Variants in AMBRA1 observed in about 807,000 individuals in gnomAD.
The protein encoded by AMBRA1 is autophagy and beclin 1 regulator 1, also known as activating molecule in BECN1-regulated autophagy protein 1.
AMBRA1 carries 47 observed loss-of-function variants against 125.4 expected under a neutral mutation model. That is an observed-to-expected ratio of 0.37 (90% confidence interval 0.30 to 0.48). The LOEUF (loss-of-function observed/expected upper bound fraction) is 0.48. Among genes scored for constraint, AMBRA1 ranks in the 20% least tolerant of loss-of-function variants. AMBRA1 has a pLI of 0.99. For missense variants in AMBRA1, 1,331 were observed against 1,693.4 expected (o/e 0.79, Z 3.76); for synonymous variants, 626 against 655.5 (o/e 0.95, Z 0.69).
chr11:46,473,495 A>G (rs1949687291), intron 11 of AMBRA1, among the ~76,000 whole-genome samples: 2 of 152,250 alleles, frequency 1.3e-5, no homozygotes, highest in Non-Finnish European at 2.9e-5. Flanking sequence ...AACATAAAAC[A>G]AAGTTAATTC....
Position 46,512,764 on chromosome 11 carries a change from C to G in AMBRA1, c.2122G>C (p.Gly708Arg), listed in dbSNP as rs1163653044. The change falls in exon 8 of 18, where the codon GGA (glycine) becomes CGA (arginine). Residue 708 changes from glycine to arginine, a missense_variant. This residue lies in a region of AMBRA1 where 689 missense variants were observed against 776.5 expected (regional missense o/e 0.89). Coordinates refer to ENST00000683756, the MANE Select transcript of AMBRA1 (RefSeq NM_001387011.1). ...LISLSRYDGA[G>R]SREHPIYPDP... ...GGGTAAATTGGGTGCTCTCTGGATC[C>G]TGCTCCATCATAACGGGATAATGAA... 6.2e-7 allele frequency: 1 copy of G among 1,613,722 alleles called. No homozygotes were observed.
intron 15 of AMBRA1, among the ~76,000 whole-genome samples, chr11:46,414,268 C>A (rs1297731612): frequency 2.6e-5 from 4 of 152,216 alleles, no homozygotes; most frequent in Non-Finnish European, 1.5e-5. Flanking sequence ...GGGAAAGAGC[C>A]AGCACCTGGC....
At chr11:46,562,354 T>G (rs904549210) in intron 1 of AMBRA1, among the ~76,000 whole-genome samples, 4 of 152,194 alleles carry the variant, frequency 2.6e-5, no homozygotes, top group African/African-American at 9.7e-5. Context: ...TAAAGACAGG[T>G]TGGTACTAGC....
intron 7 of AMBRA1, among the ~76,000 whole-genome samples, chr11:46,536,967 A>C (rs1952506663): frequency 6.6e-6 from 1 of 152,232 alleles, no homozygotes; most frequent in Non-Finnish European, 1.5e-5. Flanking sequence ...TTAACTACCT[A>C]GAGACAGAAT....
intron 1 of AMBRA1, among the ~76,000 whole-genome samples, chr11:46,561,162 C>T (rs2043324076): frequency 1.3e-5 from 2 of 152,212 alleles, no homozygotes; most frequent in Admixed American, 1.3e-4. Flanking sequence ...AGGTGGATCA[C>T]CTGAGGTCAG....
At chr11:46,409,983 T>A (rs1946208799) in intron 16 of AMBRA1, among the ~76,000 whole-genome samples, 1 of 152,202 alleles carries the variant, frequency 6.6e-6, no homozygotes, top group South Asian at 2.1e-4. Flanking sequence ...GGCGGCATCC[T>A]TCTCCAGGCC....
intron 11 of AMBRA1, among the ~76,000 whole-genome samples, chr11:46,462,811 G>A (rs560046509): frequency 6.6e-6 from 1 of 151,900 alleles, no homozygotes; most frequent in South Asian, 2.1e-4. Context: ...AAGTGCAGTG[G>A]TGCGATCCCA....
chr11:46,549,041 T>C (rs1591092489), intron 1 of AMBRA1: 1 of 152,018 alleles, frequency 6.6e-6, no homozygotes, highest in East Asian at 1.9e-4. Flanking sequence ...ATTTTCTCTT[T>C]CTCTTCTCCA....
chr11:46,569,428 T>TAA (rs60592464), intron 1 of AMBRA1, among the ~76,000 whole-genome samples: 4,477 of 126,770 alleles, frequency 0.035, 126 homozygotes, highest in Admixed American at 0.075. Flanking sequence ...ACTGAGAGAT[T>TAA]AAAAAAAAAA....
chr11:46,403,222 G>A (rs1466144388), intron 17 of AMBRA1, among the ~76,000 whole-genome samples: 1 of 152,222 alleles, frequency 6.6e-6, no homozygotes, highest in Non-Finnish European at 1.5e-5. Flanking sequence ...TTCATTGCCA[G>A]AAGAGCCAAA....
chr11:46,581,451 C>CA (rs2044167185), intron 1 of AMBRA1, among the ~76,000 whole-genome samples: 1 of 151,854 alleles, frequency 6.6e-6, no homozygotes, highest in African/African-American at 2.4e-5. Flanking sequence ...ACTAAAAATA[C>CA]AAAAAATTAG....
intron 7 of AMBRA1, among the ~76,000 whole-genome samples, chr11:46,539,954 C>T (rs556691574): frequency 6.6e-6 from 1 of 152,206 alleles, no homozygotes; most frequent in South Asian, 2.1e-4. Flanking sequence ...GCCTCAGCTT[C>T]CCAAGCAGAT....
At chr11:46,534,734 C>T (rs537000756) in intron 7 of AMBRA1, among the ~76,000 whole-genome samples, 4 of 152,286 alleles carry the variant, frequency 2.6e-5, no homozygotes, top group African/African-American at 7.2e-5. Context: ...AGTGCAGAGG[C>T]GCAATCATGG....
chr11:46,545,176 GGT>G (rs1348631590), intron 5 of AMBRA1, among the ~76,000 whole-genome samples: 34 of 54,884 alleles, frequency 6.2e-4, no homozygotes, highest in African/African-American at 3.1e-3. Context: ...GGGGGGGGGT[GGT>G]GGTGGGCATG....
intron 12 of AMBRA1, among the ~76,000 whole-genome samples, chr11:46,440,901 A>T (rs771122706): frequency 7.9e-5 from 12 of 152,250 alleles, no homozygotes; most frequent in Non-Finnish European, 1.6e-4. Context: ...TTATAATATC[A>T]TACAGACAAG....
chr11:46,416,290 G>T (rs913486032), intron 15 of AMBRA1, among the ~76,000 whole-genome samples: 1 of 152,152 alleles, frequency 6.6e-6, no homozygotes, highest in South Asian at 2.1e-4. Context: ...CTGGGACTAG[G>T]GACAGGCCAG....
intron 1 of AMBRA1, among the ~76,000 whole-genome samples, chr11:46,578,839 C>T (rs1400489008): frequency 4.7e-5 from 6 of 128,210 alleles, no homozygotes; most frequent in African/African-American, 1.5e-4. Context: ...CGAGATTGCA[C>T]CACTGCATGC....
At chr11:46,489,857 T>C (rs950306339) in intron 11 of AMBRA1, among the ~76,000 whole-genome samples, 1 of 152,156 alleles carries the variant, frequency 6.6e-6, no homozygotes, top group African/African-American at 2.4e-5. Flanking sequence ...TATTCCCTAC[T>C]TGAACTCAAA....
chr11:46,511,776 A>G (rs186500642), intron 8 of AMBRA1, among the ~76,000 whole-genome samples: 5 of 152,320 alleles, frequency 3.3e-5, no homozygotes, highest in Admixed American at 3.3e-4. Context: ...GTCCTTAGTT[A>G]TCACCATCAG....
Sources: allele counts gnomAD v4.1 joint callset (sites outside exome capture counted in the v4.1 genomes callset), GRCh38; gene constraint gnomAD v4.1.1; regional missense constraint gnomAD v4.1.1; transcripts MANE v1.5; gene names NCBI Gene and HGNC (gene_info 2026-07-23, HGNC 2026-07-21).